The following EPHA6 variants were observed in gnomAD, a reference collection of about 807,000 sequenced individuals.
EPHA6 encodes the protein EPH receptor A6.
In EPHA6, 50 loss-of-function variants were observed where a neutral mutation model predicts 112.0. The observed-to-expected ratio is 0.45, with a 90% CI of 0.36 to 0.56. The LOEUF is 0.56. EPHA6 is among the 20% of genes least tolerant of loss of function. The probability of loss-of-function intolerance (pLI) is 0.00; values close to 1 mark genes in which losing one functional copy is unlikely to be tolerated. For missense variants in EPHA6, 1,280 were observed against 1,417.4 expected (o/e 0.90, Z 1.56); for synonymous variants, 529 against 490.7 (o/e 1.08, Z -1.03).
At chr3:96,923,011 A>C (rs1459180214) in intron 2 of EPHA6, among the ~76,000 whole-genome samples, 3 of 152,156 alleles carry the variant, frequency 2.0e-5, no homozygotes, top group Non-Finnish European at 4.4e-5. Flanking sequence ...TTGTGAATAT[A>C]TGTCAAATTT....
chr3:97,644,557 TA>T, intron 14 of EPHA6, among the ~76,000 whole-genome samples: 2 of 151,412 alleles, frequency 1.3e-5, no homozygotes, highest in Non-Finnish European at 2.9e-5. Context: ...CTAATAAAGA[TA>T]AAAGAGGGAA....
chr3:97,181,250 G>A (rs2076981098), intron 3 of EPHA6, among the ~76,000 whole-genome samples: 1 of 152,072 alleles, frequency 6.6e-6, no homozygotes, highest in African/African-American at 2.4e-5. Context: ...GGGTGGAGAA[G>A]GGTGGCTTTG....
intron 10 of EPHA6, among the ~76,000 whole-genome samples, chr3:97,505,297 G>C (rs547658856): frequency 6.6e-6 from 1 of 151,994 alleles, no homozygotes; most frequent in African/African-American, 2.4e-5. Context: ...CCATCAACCC[G>C]TCATCTACAT....
intron 10 of EPHA6, among the ~76,000 whole-genome samples, chr3:97,484,775 C>T (rs751725170): frequency 2.0e-5 from 3 of 152,178 alleles, no homozygotes; most frequent in South Asian, 2.1e-4. Flanking sequence ...TTGGCTCTTC[C>T]TTCCCCTAGC....
At chr3:97,333,106 A>G (rs998601607) in intron 5 of EPHA6, among the ~76,000 whole-genome samples, 15 of 152,016 alleles carry the variant, frequency 9.9e-5, no homozygotes, top group African/African-American at 3.1e-4. Context: ...AACAGAGTAT[A>G]TTTCCATTTA....
At position 96,859,038 on chromosome 3, in the gene EPHA6, T is replaced by C. The variant is rs1576162947; in HGVS notation, c.386-7787T>C. 3.9e-5 allele frequency among the ~76,000 whole-genome samples: 6 copies of C among 152,240 alleles called. No individual in the cohort carries two copies. In the South Asian group the frequency reaches 1.2e-3, roughly 32 times the overall value. On this transcript the variant is annotated intron_variant, in intron 1 of 17. Coordinates refer to ENST00000389672, the MANE Select transcript of EPHA6 (RefSeq NM_001080448.3). ...TTTATCCAGCACCTGCCTTCCTGCT[T>C]ACACTATACTGCTTTTCCAATAGTT...
At chr3:97,110,727 C>T (rs1044314997) in intron 3 of EPHA6, among the ~76,000 whole-genome samples, 10 of 151,940 alleles carry the variant, frequency 6.6e-5, no homozygotes, top group Non-Finnish European at 1.3e-4. Flanking sequence ...TGGGATTTCA[C>T]CATGTTGGCC....
At position 97,387,316 on chromosome 3, in the gene EPHA6, G is replaced by GTTTT. The variant is rs1451719738; in HGVS notation, c.1607-17821_1607-17818dup. Among the ~76,000 whole-genome samples the GTTTT allele has an allele frequency of 9.4e-3, 1,243 of 132,190 alleles. 23 individuals are homozygous for GTTTT. The highest frequency in any genetic ancestry group is 0.032 in the African/African-American group (1,171 of 36,330). 86.7% of individuals were successfully genotyped at this position (132,190 alleles called of 152,430 possible). A position where few individuals can be genotyped will look rare whatever the true frequency, so the allele number is the denominator to read the frequency against. ...CCTTTTAAATAATAGTTACAATTCA[G>GTTTT]TTTTTTTTTTTTTTTTGCTTATGCA... On this transcript the variant is annotated intron_variant, in intron 5 of 17. Transcript: ENST00000389672.
At chr3:97,542,724 A>T (rs945933006) in intron 11 of EPHA6, among the ~76,000 whole-genome samples, 4 of 152,174 alleles carry the variant, frequency 2.6e-5, no homozygotes, top group Non-Finnish European at 5.9e-5. Context: ...GTGAAAAAGT[A>T]TTCCTATTTC....
intron 5 of EPHA6, among the ~76,000 whole-genome samples, chr3:97,330,866 G>A (rs2082762629): frequency 6.6e-6 from 1 of 152,084 alleles, no homozygotes; most frequent in African/African-American, 2.4e-5. Context: ...GGATATCCGG[G>A]AACTGAACTC....
chr3:97,561,150 G>A (rs1250351208), intron 11 of EPHA6, among the ~76,000 whole-genome samples: 2 of 151,874 alleles, frequency 1.3e-5, no homozygotes, highest in African/African-American at 4.8e-5. Context: ...ATTGAAGTTA[G>A]GCCAATTAAT....
At chr3:97,295,827 G>A (rs1225505738) in intron 5 of EPHA6, among the ~76,000 whole-genome samples, 1 of 152,140 alleles carries the variant, frequency 6.6e-6, no homozygotes, top group Non-Finnish European at 1.5e-5. Context: ...CAGTGTGTTA[G>A]TCTGTGGTTT....
At chr3:97,560,472 C>G (rs1577780662) in intron 11 of EPHA6, 1 of 152,032 alleles carries the variant, frequency 6.6e-6, no homozygotes, top group African/African-American at 2.4e-5. Context: ...CTCAGGCACA[C>G]TAGCCACATT....
intron 14 of EPHA6, among the ~76,000 whole-genome samples, chr3:97,698,352 C>G (rs1227276175): frequency 6.6e-6 from 1 of 151,316 alleles, no homozygotes; most frequent in Non-Finnish European, 1.5e-5. Flanking sequence ...ACATTTTCTT[C>G]AGAAGAAAAA....
intron 3 of EPHA6, among the ~76,000 whole-genome samples, chr3:97,042,144 C>T (rs2045339059): frequency 6.6e-6 from 1 of 152,100 alleles, no homozygotes; most frequent in Non-Finnish European, 1.5e-5. Context: ...ATCCTCAGTG[C>T]TAGAACTGGG....
intron 11 of EPHA6, among the ~76,000 whole-genome samples, chr3:97,586,689 A>G (rs1946786): frequency 0.29 from 43,281 of 151,634 alleles, 9,715 homozygotes; most frequent in African/African-American, 0.62. Context: ...GTACTTAGAT[A>G]GATGGATGGA....
intron 5 of EPHA6, among the ~76,000 whole-genome samples, chr3:97,288,924 A>ATTTTTTTTTTTTTT: frequency 9.0e-6 from 1 of 111,278 alleles, no homozygotes. Flanking sequence ...TTTAATGGGG[A>ATTTTTTTTTTTTTT]TTTTTTTTTT....
At chr3:97,458,462 T>C (rs2090772936) in intron 7 of EPHA6, among the ~76,000 whole-genome samples, 1 of 152,196 alleles carries the variant, frequency 6.6e-6, no homozygotes, top group Admixed American at 6.5e-5. Context: ...AATAACTTTG[T>C]CAACAAATAA....
chr3:97,563,254 G>C (rs897388211), intron 11 of EPHA6, among the ~76,000 whole-genome samples: 1 of 152,140 alleles, frequency 6.6e-6, no homozygotes, highest in Non-Finnish European at 1.5e-5. Context: ...GTGAGGAAAG[G>C]CTTATTGGAG....
Sources: gnomAD v4.1 joint callset for allele counts (sites outside exome capture counted in the v4.1 genomes callset) on GRCh38, gnomAD v4.1.1 for gene constraint, MANE v1.5 for transcripts, NCBI Gene and HGNC (gene_info 2026-07-23, HGNC 2026-07-21) for gene names.